The following PTPRM variants were observed in gnomAD, a reference collection of about 807,000 sequenced individuals.
The protein encoded by PTPRM is protein tyrosine phosphatase receptor type M, also known as receptor-type tyrosine-protein phosphatase mu.
PTPRM carries 47 observed loss-of-function variants against 186.7 expected under a neutral mutation model. That is an observed-to-expected ratio of 0.25 (90% CI 0.20 to 0.32). The LOEUF is 0.32. Ranked by LOEUF, PTPRM falls within the 10% of genes least tolerant of loss-of-function variation. The probability of loss-of-function intolerance (pLI) is 1.00; values close to 1 mark genes in which losing one functional copy is unlikely to be tolerated. For synonymous variants in PTPRM, 668 were observed against 674.9 expected (o/e 0.99, Z 0.16); for missense variants, 1,494 against 1,865.0 (o/e 0.80, Z 3.66).
At chr18:8,387,559 T>C (rs1342954076) in intron 31 of PTPRM, among the ~76,000 whole-genome samples, 4 of 152,062 alleles carry the variant, frequency 2.6e-5, no homozygotes, top group African/African-American at 9.7e-5. Context: ...TCAGGAATTT[T>C]CTGAGCTGGG....
chr18:8,263,623 G>T (rs1014864105), intron 19 of PTPRM, among the ~76,000 whole-genome samples: 4 of 152,096 alleles, frequency 2.6e-5, no homozygotes, highest in Non-Finnish European at 5.9e-5. Flanking sequence ...GATGGGGTGG[G>T]TCTCCAGAAA....
chr18:7,806,949 G>A (rs923446264), intron 2 of PTPRM, among the ~76,000 whole-genome samples: 6 of 152,096 alleles, frequency 3.9e-5, no homozygotes, highest in Admixed American at 3.3e-4. Context: ...TGTGTTCTGT[G>A]CCAGAGGTTT....
At chr18:8,371,906 C>T (rs1179772253) in intron 24 of PTPRM, 1 of 152,174 alleles carries the variant, frequency 6.6e-6, no homozygotes, top group Non-Finnish European at 1.5e-5. Context: ...TCTCCATAAC[C>T]GAGCCCTGCA....
chr18:7,953,091 C>T (rs2053083363), intron 6 of PTPRM, among the ~76,000 whole-genome samples: 1 of 152,200 alleles, frequency 6.6e-6, no homozygotes, highest in South Asian at 2.1e-4. Context: ...CCAATTATTT[C>T]CAGGTTCTAG....
At chr18:8,071,984 CCTTT>C (rs1459575722) in intron 8 of PTPRM, among the ~76,000 whole-genome samples, 13 of 152,154 alleles carry the variant, frequency 8.5e-5, no homozygotes, top group African/African-American at 2.6e-4. Context: ...CAGAAAGGGG[CCTTT>C]CTTAGTATTG....
At chr18:8,032,745 A>G (rs2086065593) in intron 7 of PTPRM, among the ~76,000 whole-genome samples, 1 of 152,148 alleles carries the variant, frequency 6.6e-6, no homozygotes, top group African/African-American at 2.4e-5. Context: ...AAAATAGAAA[A>G]TACAAGCATA....
At chr18:8,214,814 C>T (rs1014880983) in intron 14 of PTPRM, among the ~76,000 whole-genome samples, 10 of 152,176 alleles carry the variant, frequency 6.6e-5, no homozygotes, top group African/African-American at 2.4e-4. Flanking sequence ...AGGCACCCGC[C>T]ACCGTGCCTG....
At chr18:7,847,127 T>G (rs1180337354) in intron 2 of PTPRM, among the ~76,000 whole-genome samples, 2 of 151,128 alleles carry the variant, frequency 1.3e-5, no homozygotes, top group African/African-American at 4.9e-5. Flanking sequence ...TAGAGGGGTA[T>G]TCTAGTCTAG....
intron 1 of PTPRM, among the ~76,000 whole-genome samples, chr18:7,652,972 A>G (rs184315006): frequency 6.2e-4 from 95 of 152,232 alleles, no homozygotes; most frequent in African/African-American, 2.2e-3. Flanking sequence ...CAACAATAAG[A>G]AAACAAATAA....
At chr18:7,778,502 C>T (rs754771993) in intron 2 of PTPRM, among the ~76,000 whole-genome samples, 2 of 151,924 alleles carry the variant, frequency 1.3e-5, no homozygotes, top group Non-Finnish European at 2.9e-5. Context: ...CGCTCTTTCA[C>T]CCAGGCTGGA....
At chr18:7,930,031 T>A (rs184654775) in intron 5 of PTPRM, among the ~76,000 whole-genome samples, 22 of 152,270 alleles carry the variant, frequency 1.4e-4, no homozygotes, top group Admixed American at 1.0e-3. Flanking sequence ...TAATAATACA[T>A]CTTTGTTTGG....
rs139314960 is a variant in PTPRM, at chr18:7,726,774, C to T, written c.74-47375C>T. ...TTTGGGTACATTGAGGGTATCAGTT[C>T]CTTTGAACTTGATACTGCTTTTCTA... is the stretch of plus-strand genomic sequence containing the variant. On this transcript the variant is annotated intron_variant, in intron 1 of 32. Coordinates refer to ENST00000580170, the MANE Select transcript of PTPRM (RefSeq NM_001105244.2). Among the ~76,000 whole-genome samples, 372 of 152,260 alleles carry T rather than the reference C, an allele frequency of 2.4e-3. 1 individual carries two copies. The highest frequency in any genetic ancestry group is 3.5e-3 in the Non-Finnish European group (240 of 68,030).
chr18:8,265,183 C>T (rs2094685757), intron 19 of PTPRM, among the ~76,000 whole-genome samples: 1 of 152,210 alleles, frequency 6.6e-6, no homozygotes, highest in African/African-American at 2.4e-5. Context: ...TGCTGTGTTT[C>T]AGCAGCTCAG....
intron 7 of PTPRM, among the ~76,000 whole-genome samples, chr18:7,966,850 A>C (rs2054129445): frequency 7.8e-6 from 1 of 128,812 alleles, no homozygotes; most frequent in African/African-American, 2.5e-5. Flanking sequence ...GTCTGAGATC[A>C]AACCGCAAGG....
At chr18:7,584,791 A>C (rs971470495) in intron 1 of PTPRM, among the ~76,000 whole-genome samples, 4 of 152,258 alleles carry the variant, frequency 2.6e-5, no homozygotes, top group African/African-American at 9.6e-5. Context: ...ATGAGGTAGA[A>C]TAATATCCCC....
intron 14 of PTPRM, among the ~76,000 whole-genome samples, chr18:8,161,036 C>T (rs1255420687): frequency 6.6e-6 from 1 of 152,050 alleles, no homozygotes; most frequent in Non-Finnish European, 1.5e-5. Flanking sequence ...TGGCCACTCT[C>T]TAAAGATATG....
At chr18:7,774,000 T>C in intron 1 of PTPRM, 149 bp from the exon 2 acceptor site, 2 of 708,036 alleles carry the variant, frequency 2.8e-6, no homozygotes, top group Non-Finnish European at 4.6e-6. Context: ...TCACTAAGTG[T>C]TGGATGCACA....
rs535864022 is a variant in PTPRM at position 8,166,958 on chromosome 18, G to A, written c.2300+23179G>A. Among the ~76,000 whole-genome samples, 346 of 152,276 alleles carry A rather than the reference G, an allele frequency of 2.3e-3. 1 individual carries two copies. Among genetic ancestry groups the A allele is most frequent in the Middle Eastern group, 0.01 (3 of 294 alleles). ...AAAGCAGCTGAAAATTCTGTGACTT[G>A]AATTATTATGATACTCATATCTCTC... On this transcript the variant is annotated intron_variant, in intron 14 of 32. Transcript: ENST00000580170.
At chr18:7,653,004 A>G (rs976912221) in intron 1 of PTPRM, among the ~76,000 whole-genome samples, 5 of 152,056 alleles carry the variant, frequency 3.3e-5, no homozygotes, top group African/African-American at 1.2e-4. Flanking sequence ...AATAGGCAAA[A>G]GATCTGAACA....
Sources: allele counts gnomAD v4.1 joint callset (sites outside exome capture counted in the v4.1 genomes callset), GRCh38; gene constraint gnomAD v4.1.1; transcripts MANE v1.5; gene names NCBI Gene and HGNC (gene_info 2026-07-23, HGNC 2026-07-21).